Variants in STX8 observed in about 807,000 individuals in gnomAD.
The protein encoded by STX8 is syntaxin 8, also known as syntaxin-8.
Under a neutral mutation model 37.5 loss-of-function variants are expected in STX8, and 23 were observed. The observed-to-expected ratio is 0.61, with a 90% CI of 0.44 to 0.87. STX8 has a LOEUF of 0.87. Ranked by LOEUF, STX8 falls within the 40% of genes least tolerant of loss-of-function variation. The probability of loss-of-function intolerance (pLI) is 0.00; values close to 1 mark genes in which losing one functional copy is unlikely to be tolerated. For missense variants in STX8, 313 were observed against 284.7 expected (o/e 1.10, Z -0.71); for synonymous variants, 115 against 99.1 (o/e 1.16, Z -0.95).
At chr17:9,440,260 TAC>T (rs1433627347) in intron 6 of STX8, among the ~76,000 whole-genome samples, 1 of 152,192 alleles carries the variant, frequency 6.6e-6, no homozygotes, top group Non-Finnish European at 1.5e-5. Flanking sequence ...TTGTTATTAG[TAC>T]CATTACCTAC....
chr17:9,514,154 G>A (rs965720356), intron 4 of STX8, among the ~76,000 whole-genome samples: 4 of 152,110 alleles, frequency 2.6e-5, no homozygotes, highest in African/African-American at 9.7e-5. Context: ...GTCTCCAGTA[G>A]CTAGAAGGAC....
chr17:9,331,840 A>G (rs1909971741), intron 7 of STX8, among the ~76,000 whole-genome samples: 1 of 152,162 alleles, frequency 6.6e-6, no homozygotes, highest in African/African-American at 2.4e-5. Context: ...ATGCCCAGCA[A>G]CGTCTGGCAG....
At chr17:9,335,895 A>G (rs975576811) in intron 7 of STX8, among the ~76,000 whole-genome samples, 1 of 151,912 alleles carries the variant, frequency 6.6e-6, no homozygotes, top group African/African-American at 2.4e-5. Flanking sequence ...ACCTAAAGCT[A>G]TACATAAAGC....
At position 9,524,684 on chromosome 17, in the gene STX8, C is replaced by A. The variant is rs1905489630; in HGVS notation, c.324-19522G>T. On this transcript the variant is annotated intron_variant, in intron 4 of 7. Transcript: ENST00000306357. ...ATAGCCATCACTTCCACCTCAATAA[C>A]CTTGATTTGCTATTATTACACCAAT... Among the ~76,000 whole-genome samples, 3 of 152,142 alleles carry A rather than the reference C, an allele frequency of 2.0e-5. No individual in the cohort carries two copies. The South Asian group carries it at 6.2e-4, about 32-fold the overall frequency.
intron 4 of STX8, among the ~76,000 whole-genome samples, chr17:9,535,777 C>A (rs1360386151): frequency 6.6e-6 from 1 of 152,118 alleles, no homozygotes; most frequent in African/African-American, 2.4e-5. Flanking sequence ...TATACTTTCA[C>A]ATATGCAAAA....
chr17:9,415,022 C>A lies in STX8; in HGVS notation c.542-36369G>T, dbSNP rs567933214. On this transcript the variant is annotated intron_variant, in intron 6 of 7. Coordinates refer to ENST00000306357, the MANE Select transcript of STX8 (RefSeq NM_004853.3). ...GCCAGGCTGGTCTTGAACTCCTGAC[C>A]TCAGGTGGCCCACCCGCCTCGGCCT... Among the ~76,000 whole-genome samples, 37 of 151,998 alleles carry A rather than the reference C, an allele frequency of 2.4e-4. No individual in the cohort carries two copies. In the South Asian group the frequency reaches 7.7e-3, roughly 32 times the overall value.
intron 6 of STX8, among the ~76,000 whole-genome samples, chr17:9,480,675 T>A (rs1398719916): frequency 1.3e-5 from 2 of 152,288 alleles, no homozygotes; most frequent in East Asian, 3.9e-4. Flanking sequence ...CTTGCAAGTT[T>A]ATTTATGAAT....
At chr17:9,387,054 C>T (rs1447531638) in intron 6 of STX8, among the ~76,000 whole-genome samples, 1 of 151,922 alleles carries the variant, frequency 6.6e-6, no homozygotes, top group Non-Finnish European at 1.5e-5. Flanking sequence ...TATCAGTGTT[C>T]TTTCCTTCAT....
chr17:9,274,820 A>G (rs59614122), intron 7 of STX8, among the ~76,000 whole-genome samples: 1 of 123,356 alleles, frequency 8.1e-6, no homozygotes, highest in Non-Finnish European at 1.6e-5. Flanking sequence ...GCGTGATCTC[A>G]GCTCACTGCA....
rs371612785 is a variant in STX8, at chr17:9,437,762, T to C, written c.541+54067A>G. On this transcript the variant is annotated intron_variant, in intron 6 of 7. Transcript: ENST00000306357. ...ATTCATACTCTCACTTTGCCTTTTC[T>C]TTGTCAGTCAAAGAAATTAAGCTGG... 12 of 152,212 alleles carry C rather than the reference T, an allele frequency of 7.9e-5. No individual in the cohort carries two copies. In the East Asian group the frequency reaches 9.6e-4, roughly 12 times the overall value. The allele number at this position is 152,212 out of a possible 1,614,324, so 9.4% of individuals were successfully genotyped here.
At position 9,560,068 on chromosome 17, in the gene STX8, A is replaced by G. The variant is rs188669230; in HGVS notation, c.118-2540T>C. On this transcript the variant is annotated intron_variant, in intron 2 of 7. Transcript: ENST00000306357. ...TGAGCCACCGCGCCCAGACTGAAAGATTATTAAAAACAGTAGAGGCCGGGC... is the reference window on the plus strand; with the variant it reads ...TGAGCCACCGCGCCCAGACTGAAAGGTTATTAAAAACAGTAGAGGCCGGGC... Among the ~76,000 whole-genome samples the G allele has an allele frequency of 3.0e-3, 459 of 150,936 alleles. 3 individuals are homozygous for G. Among genetic ancestry groups the G allele is most frequent in the Middle Eastern group, 6.9e-3 (2 of 288 alleles).
At chr17:9,519,598 A>G (rs1905265779) in intron 4 of STX8, among the ~76,000 whole-genome samples, 1 of 152,162 alleles carries the variant, frequency 6.6e-6, no homozygotes, top group Admixed American at 6.5e-5. Context: ...TTCTTAAAAC[A>G]GAGATCTCAC....
At chr17:9,473,799 G>C (rs1341252359) in intron 6 of STX8, among the ~76,000 whole-genome samples, 2 of 152,214 alleles carry the variant, frequency 1.3e-5, no homozygotes, top group Non-Finnish European at 2.9e-5. Context: ...GGAATTTCCT[G>C]AGTGCTAGAC....
chr17:9,483,592 GC>G (rs1906440704), intron 6 of STX8, among the ~76,000 whole-genome samples: 1 of 152,116 alleles, frequency 6.6e-6, no homozygotes. Context: ...AGTTCTAAGA[GC>G]CCCTTACCAT....
chr17:9,275,290 C>T (rs1907633170), intron 7 of STX8, among the ~76,000 whole-genome samples: 1 of 152,040 alleles, frequency 6.6e-6, no homozygotes, highest in Non-Finnish European at 1.5e-5. Context: ...TTGTCTATTA[C>T]CTCCTAGGTG....
chr17:9,520,836 C>T (rs1204811379), intron 4 of STX8, among the ~76,000 whole-genome samples: 2 of 152,062 alleles, frequency 1.3e-5, no homozygotes, highest in Non-Finnish European at 2.9e-5. Flanking sequence ...CCTTTCTTAG[C>T]GTTTCAAAAA....
intron 6 of STX8, among the ~76,000 whole-genome samples, chr17:9,433,341 A>G (rs9916292): frequency 0.22 from 33,551 of 152,200 alleles, 3,969 homozygotes; most frequent in Middle Eastern, 0.28. Context: ...TTTCCACTTC[A>G]TAGCTTTGTC....
intron 7 of STX8, among the ~76,000 whole-genome samples, chr17:9,345,848 CTTTTTTTTTTT>C (rs545020159): frequency 1.9e-5 from 1 of 52,076 alleles, no homozygotes; most frequent in Non-Finnish European, 3.4e-5. Context: ...TTATGCATTC[CTTTTTTTTTTT>C]TTTTTTTTTG....
chr17:9,547,788 TTTTTTTTTG>T (rs1906605222), intron 3 of STX8, among the ~76,000 whole-genome samples: 2 of 139,798 alleles, frequency 1.4e-5, no homozygotes, highest in South Asian at 4.5e-4. Flanking sequence ...TTTTCTTTTT[TTTTTTTTTG>T]TTTTGTTTTG....
Sources: allele counts gnomAD v4.1 joint callset (sites outside exome capture counted in the v4.1 genomes callset), GRCh38; gene constraint gnomAD v4.1.1; transcripts MANE v1.5; gene names NCBI Gene and HGNC (gene_info 2026-07-23, HGNC 2026-07-21).